The following ATP11A variants were observed in gnomAD, a reference collection of about 807,000 sequenced individuals.
ATP11A encodes the protein ATPase phospholipid transporting 11A.
In ATP11A, 81 loss-of-function variants were observed where a neutral mutation model predicts 154.4. That is an observed-to-expected ratio of 0.52 (90% CI 0.44 to 0.63). The LOEUF (loss-of-function observed/expected upper bound fraction) is 0.63, where lower values mean the gene tolerates loss of function less well. Ranked by LOEUF, ATP11A falls within the 30% of genes least tolerant of loss-of-function variation. ATP11A has a pLI of 0.00. For synonymous variants in ATP11A, 623 were observed against 585.9 expected (o/e 1.06, Z -0.91); for missense variants, 1,316 against 1,474.3 (o/e 0.89, Z 1.76).
At chr13:112,820,032 C>A in intron 8 of ATP11A, 82 bp downstream of exon 8, 2 of 1,356,724 alleles carry the variant, frequency 1.5e-6, no homozygotes, top group Non-Finnish European at 9.9e-7. Context: ...CAAGGGTTTC[C>A]ACGGCGGCTG....
At chr13:112,847,182 T>G (rs913708811) in intron 17 of ATP11A, among the ~76,000 whole-genome samples, 6 of 152,204 alleles carry the variant, frequency 3.9e-5, no homozygotes, top group Non-Finnish European at 8.8e-5. Flanking sequence ...CCCCCTCGGT[T>G]GGCAGCATTT....
chr13:112,858,981 G>A (rs994793565), intron 22 of ATP11A: 1 of 264,264 alleles, frequency 3.8e-6, no homozygotes, highest in Non-Finnish European at 7.4e-6. Flanking sequence ...TGAGGATGAG[G>A]AGGGCCTGCC....
Position 112,711,451 on chromosome 13 carries a change from G to A in ATP11A, c.39+20996G>A, listed in dbSNP as rs147837021. 5.1e-3 allele frequency among the ~76,000 whole-genome samples: 779 copies of A among 151,598 alleles called. 6 individuals carry two copies. Among genetic ancestry groups the A allele is most frequent in the African/African-American group, 0.018 (729 of 41,284 alleles). On this transcript the variant is annotated intron_variant, in intron 1 of 29. Coordinates refer to ENST00000375645, the MANE Select transcript of ATP11A (RefSeq NM_015205.3). The stretch of plus-strand genomic sequence containing the variant: ...GCAAGACCCTGTCTCTGATACATAC[G>A]TAAATAAAATAAAAGTTAAAACTCA...
chr13:112,737,881 G>A (rs776521923), intron 1 of ATP11A, among the ~76,000 whole-genome samples: 22 of 152,120 alleles, frequency 1.4e-4, no homozygotes, highest in Non-Finnish European at 2.9e-4. Flanking sequence ...CTGCTTTTTC[G>A]TGGTGCAGGG....
intron 1 of ATP11A, among the ~76,000 whole-genome samples, chr13:112,768,068 G>A (rs1040948864): frequency 5.9e-5 from 9 of 152,208 alleles, no homozygotes; most frequent in African/African-American, 1.4e-4. Context: ...TGTTTCTTTC[G>A]TTTCTCCTGA....
intron 8 of ATP11A, among the ~76,000 whole-genome samples, chr13:112,821,022 C>G (rs2078783796): frequency 6.6e-6 from 1 of 152,160 alleles, no homozygotes; most frequent in Non-Finnish European, 1.5e-5. Context: ...GAGGTGCTTT[C>G]GAGAACTGAT....
chr13:112,731,636 C>T (rs575401705), intron 1 of ATP11A, among the ~76,000 whole-genome samples: 1 of 152,258 alleles, frequency 6.6e-6, no homozygotes, highest in African/African-American at 2.4e-5. Context: ...GTACTGCTGT[C>T]CCCAAGGAAG....
At chr13:112,749,155 G>A (rs985979961) in intron 1 of ATP11A, among the ~76,000 whole-genome samples, 9 of 152,316 alleles carry the variant, frequency 5.9e-5, no homozygotes, top group Admixed American at 1.3e-4. Context: ...GGTGGATGCC[G>A]TGGGCCATGG....
At chr13:112,808,691 G>A (rs1421150245) in intron 4 of ATP11A, among the ~76,000 whole-genome samples, 2 of 152,056 alleles carry the variant, frequency 1.3e-5, no homozygotes, top group Non-Finnish European at 1.5e-5. Flanking sequence ...TTAGGTCCCC[G>A]CCTCTCTTTT....
At chr13:112,737,476 G>A (rs1194703023) in intron 1 of ATP11A, among the ~76,000 whole-genome samples, 1 of 152,238 alleles carries the variant, frequency 6.6e-6, no homozygotes, top group Non-Finnish European at 1.5e-5. Flanking sequence ...TCCAGGGACG[G>A]TTTGGCAAGG....
intron 8 of ATP11A, among the ~76,000 whole-genome samples, chr13:112,822,662 G>C (rs2078828838): frequency 6.7e-6 from 1 of 149,760 alleles, no homozygotes; most frequent in Non-Finnish European, 1.5e-5. Flanking sequence ...CAAAGCTCAA[G>C]TTCACCTGAG....
At chr13:112,829,184 G>A (rs990376984) in intron 12 of ATP11A, among the ~76,000 whole-genome samples, 3 of 152,224 alleles carry the variant, frequency 2.0e-5, no homozygotes, top group African/African-American at 4.8e-5. Flanking sequence ...TAGCAGGCAG[G>A]CGTGCGTTGT....
In ATP11A at chr13:112,882,029, A is replaced by C. The variant is rs750208366; in HGVS notation, c.*163A>C. 55 of 1,367,612 alleles carry C rather than the reference A, an allele frequency of 4.0e-5. No individual in the cohort carries two copies. The Admixed American group carries it at 9.9e-4, about 25-fold the overall frequency. 84.7% of individuals were successfully genotyped at this position (1,367,612 alleles called of 1,614,324 possible). A position where few individuals can be genotyped will look rare whatever the true frequency, so the allele number is the denominator to read the frequency against. The stretch of plus-strand genomic sequence containing the variant: ...CCACTGCAGTTCCATCCCAAGTCAC[A>C]GCTGCCCTAGGTCCCGTGTGGGAAT... On this transcript the variant is annotated 3_prime_UTR_variant, in exon 30 of 30. Coordinates refer to ENST00000375645, the MANE Select transcript of ATP11A (RefSeq NM_015205.3). This position sits in a 1 kb window ranked among gnomAD's most constrained non-coding sequence, Gnocchi z 5.1.
rs1412337956 is a variant in ATP11A at position 112,753,150 on chromosome 13, G to A, written c.40-31985G>A. ...CAGACTTTTTTCTCTCTGTCCCTCC[G>A]TCCCTTTGTACCTGCGTGTTATGTG... On this transcript the variant is annotated intron_variant, in intron 1 of 29. Coordinates refer to ENST00000375645, the MANE Select transcript of ATP11A (RefSeq NM_015205.3). This position sits in a 1 kb window ranked among gnomAD's most constrained non-coding sequence, Gnocchi z 4.1. Among the ~76,000 whole-genome samples the A allele has an allele frequency of 3.9e-5, 6 of 152,056 alleles. No individual in the cohort carries two copies. The highest frequency in any genetic ancestry group is 1.2e-4 in the African/African-American group (5 of 41,392).
At chr13:112,724,755 TC>T (rs1169642923) in intron 1 of ATP11A, among the ~76,000 whole-genome samples, 2 of 152,042 alleles carry the variant, frequency 1.3e-5, no homozygotes, top group Non-Finnish European at 2.9e-5. Flanking sequence ...TCAGGTGTGG[TC>T]CACAGGGGCT....
chr13:112,841,645 A>G (rs2079423333), intron 16 of ATP11A, among the ~76,000 whole-genome samples: 1 of 152,362 alleles, frequency 6.6e-6, no homozygotes, highest in African/African-American at 2.4e-5. Flanking sequence ...TCAGGTGCAG[A>G]GGGGGCTCTG....
At chr13:112,796,097 C>G (rs1373213490) in intron 2 of ATP11A, among the ~76,000 whole-genome samples, 1 of 152,156 alleles carries the variant, frequency 6.6e-6, no homozygotes, top group Non-Finnish European at 1.5e-5. Context: ...TATTGGCAAT[C>G]TGGTGTTTTT....
At chr13:112,766,780 T>C in intron 1 of ATP11A, among the ~76,000 whole-genome samples, 1 of 142,010 alleles carries the variant, frequency 7.0e-6, no homozygotes, top group African/African-American at 2.5e-5. Flanking sequence ...CATGGATTCC[T>C]GTGAGGAGGA....
intron 1 of ATP11A, among the ~76,000 whole-genome samples, chr13:112,752,474 T>C (rs1478057149): frequency 2.6e-5 from 4 of 151,970 alleles, no homozygotes; most frequent in Admixed American, 6.5e-5. Context: ...CCCCTGTGCC[T>C]GGTGGGCGCC....
Sources: gnomAD v4.1 joint callset for allele counts (sites outside exome capture counted in the v4.1 genomes callset) on GRCh38, gnomAD v4.1.1 for gene constraint, Gnocchi (gnomAD v3.1) non-coding constraint, MANE v1.5 for transcripts, NCBI Gene and HGNC (gene_info 2026-07-23, HGNC 2026-07-21) for gene names.